Variants in SLC9D1 observed in about 807,000 individuals in gnomAD.
SLC9D1 encodes the protein putative LAG1-interacting protein.
the SLC9D1 span, chr13:113,539,263 T>G: frequency 8.4e-7 from 1 of 1,194,822 alleles, no homozygotes; most frequent in African/African-American, 1.5e-5. The surrounding 1 kb of genome is among the most constrained non-coding windows in gnomAD (Gnocchi z 4.8). Flanking sequence ...TGTTTTGTCG[T>G]GGTGGCTCTG....
chr13:113,539,653 T>C, the SLC9D1 span: 1 of 870,964 alleles, frequency 1.1e-6, no homozygotes, highest in East Asian at 2.7e-5. This position sits in a 1 kb window ranked among gnomAD's most constrained non-coding sequence, Gnocchi z 4.8. Context: ...TTTGGATTGC[T>C]AGTAGCCAGA....
the SLC9D1 span, among the ~76,000 whole-genome samples, chr13:113,540,009 C>T: frequency 2.0e-5 from 3 of 152,316 alleles, no homozygotes; most frequent in African/African-American, 4.8e-5. Flanking sequence ...CTGAGGAGAA[C>T]GGCCTCCAGC....
the SLC9D1 span, chr13:113,502,027 A>T: frequency 1.5e-6 from 1 of 668,916 alleles, no homozygotes. Context: ...TGTCACGGGA[A>T]GTCTCTGAAC....
the SLC9D1 span, among the ~76,000 whole-genome samples, chr13:113,509,399 T>A: frequency 3.2e-3 from 455 of 143,492 alleles, 9 homozygotes; most frequent in Non-Finnish European, 5.4e-3. Flanking sequence ...TGGAGCTGCC[T>A]GTCTATGTTG....
the SLC9D1 span, chr13:113,498,494 G>A: frequency 6.3e-7 from 1 of 1,589,798 alleles, no homozygotes; most frequent in Non-Finnish European, 8.5e-7. Context: ...AAGAGATAGA[G>A]GAACATGCTT....
chr13:113,527,240 T>C, the SLC9D1 span: 1 of 152,374 alleles, frequency 6.6e-6, no homozygotes, highest in African/African-American at 2.4e-5. Context: ...TAATCTCTTC[T>C]TCTCATACCT....
chr13:113,510,461 A>T, the SLC9D1 span: 20 of 1,586,202 alleles, frequency 1.3e-5, no homozygotes, highest in South Asian at 1.9e-4. Flanking sequence ...TGTCTAATTC[A>T]TGCTCGTGTG....
chr13:113,503,143 T>C, the SLC9D1 span, among the ~76,000 whole-genome samples: 1 of 152,246 alleles, frequency 6.6e-6, no homozygotes, highest in Non-Finnish European at 1.5e-5. Flanking sequence ...TTCCTTCTTT[T>C]TCTTAATAGC....
At chr13:113,539,955 G>A in the SLC9D1 span, among the ~76,000 whole-genome samples, 7 of 152,196 alleles carry the variant, frequency 4.6e-5, no homozygotes, top group Non-Finnish European at 1.0e-4. This position sits in a 1 kb window ranked among gnomAD's most constrained non-coding sequence, Gnocchi z 4.8. Flanking sequence ...CCACTTGTAA[G>A]TGAGAACATG....
the SLC9D1 span, chr13:113,501,730 T>A: frequency 1.2e-5 from 19 of 1,601,126 alleles, no homozygotes; most frequent in Middle Eastern, 3.3e-4. Flanking sequence ...TACTTCTGTT[T>A]CTTATTTATT....
the SLC9D1 span, among the ~76,000 whole-genome samples, chr13:113,516,102 TGAAAGG>T: frequency 6.6e-6 from 1 of 152,140 alleles, no homozygotes; most frequent in Non-Finnish European, 1.5e-5. Context: ...AGATGCACAT[TGAAAGG>T]TATGGTTAAG....
the SLC9D1 span, chr13:113,548,517 G>A: frequency 7.8e-6 from 12 of 1,538,924 alleles, no homozygotes; most frequent in South Asian, 1.5e-4. Context: ...GTTTGAGTCG[G>A]GTGTGGCGAA....
chr13:113,498,499 A>G, the SLC9D1 span: 5 of 1,588,498 alleles, frequency 3.1e-6, no homozygotes, highest in Non-Finnish European at 4.3e-6. Context: ...ATAGAGGAAC[A>G]TGCTTTTGAC....
chr13:113,520,208 G>A, the SLC9D1 span, among the ~76,000 whole-genome samples: 3 of 152,170 alleles, frequency 2.0e-5, no homozygotes, highest in Non-Finnish European at 2.9e-5. Context: ...AGTGCCGGCC[G>A]GGAGTAGTGG....
chr13:113,547,342 T>A, the SLC9D1 span: 1 of 1,614,144 alleles, frequency 6.2e-7, no homozygotes, highest in Non-Finnish European at 8.5e-7. Flanking sequence ...GAGCTCACGG[T>A]GCTGGTGTTC....
the SLC9D1 span, among the ~76,000 whole-genome samples, chr13:113,493,436 C>T: frequency 2.6e-5 from 4 of 152,028 alleles, no homozygotes; most frequent in Non-Finnish European, 5.9e-5. Flanking sequence ...TATTTAGCTC[C>T]GTTGGACCAA....
chr13:113,537,432 C>T, the SLC9D1 span, among the ~76,000 whole-genome samples: 2 of 152,230 alleles, frequency 1.3e-5, no homozygotes, highest in African/African-American at 4.8e-5. Context: ...CTTAGCACCA[C>T]GTCCTCCAGG....
At chr13:113,528,147 G>T in the SLC9D1 span, 4 of 152,206 alleles carry the variant, frequency 2.6e-5, no homozygotes, top group African/African-American at 9.7e-5. Context: ...TCGATGTGAA[G>T]TCTGGCGCTT....
chr13:113,538,781 G>A, the SLC9D1 span, among the ~76,000 whole-genome samples: 3 of 152,384 alleles, frequency 2.0e-5, no homozygotes, highest in East Asian at 1.9e-4. Flanking sequence ...TCAGCCGTGC[G>A]TCATCCGGAA....
Sources: allele counts gnomAD v4.1 joint callset (sites outside exome capture counted in the v4.1 genomes callset), GRCh38; gene constraint gnomAD v4.1.1; non-coding constraint Gnocchi (gnomAD v3.1); transcripts MANE v1.5; gene names NCBI Gene and HGNC (gene_info 2026-07-23, HGNC 2026-07-21).